The following RIC1 variants were observed in gnomAD, a reference collection of about 807,000 sequenced individuals.
RIC1 encodes the protein guanine nucleotide exchange factor subunit RIC1.
In RIC1, 88 loss-of-function variants were observed where a neutral mutation model predicts 169.0. That is an observed-to-expected ratio of 0.52 (90% CI 0.44 to 0.62). RIC1 has a LOEUF of 0.62. Ranked by LOEUF, RIC1 falls within the 20% of genes least tolerant of loss-of-function variation. The probability of loss-of-function intolerance (pLI) is 0.00; values close to 1 mark genes in which losing one functional copy is unlikely to be tolerated. For missense variants in RIC1, 1,877 were observed against 1,725.5 expected (o/e 1.09, Z -1.56); for synonymous variants, 790 against 601.5 (o/e 1.31, Z -4.59).
rs1050261130 is a variant in RIC1, at chr9:5,757,308, T to C, written c.1854-5T>C. 6.2e-7 allele frequency: 1 copy of C among 1,613,724 alleles called. No individual in the cohort carries two copies. The highest frequency in any genetic ancestry group is 1.3e-5 in the African/African-American group (1 of 74,918). On this transcript the variant is annotated splice_polypyrimidine_tract_variant and splice_region_variant and intron_variant, in intron 16 of 25. Coordinates refer to ENST00000414202, the MANE Select transcript of RIC1 (RefSeq NM_020829.4). ...GAGGTATGTGGGTTTCTTTTGTTTT[T>C]ACAGTCCAAATACTACTGCTGGTAT...
In RIC1 at chr9:5,732,485, A is replaced by T. The variant is rs1824427589; in HGVS notation, c.812+6A>T. The T allele has an allele frequency of 1.9e-6, 3 of 1,579,806 alleles. No individual in the cohort carries two copies. In the South Asian group the frequency reaches 3.5e-5, roughly 18 times the overall value. On this transcript the variant is annotated splice_donor_region_variant and intron_variant, in intron 7 of 25. Coordinates refer to ENST00000414202, the MANE Select transcript of RIC1 (RefSeq NM_020829.4). ...ATGGCATTTGGCTGTGTGAGGTATA[A>T]TTGATGTAGGCTTTTGCATTTTTAA...
chr9:5,662,169 C>T (rs748670554), intron 2 of RIC1, among the ~76,000 whole-genome samples: 6 of 152,180 alleles, frequency 3.9e-5, no homozygotes, highest in East Asian at 1.9e-4. Context: ...TCTTGCATTC[C>T]GGGGATGAAG....
chr9:5,636,696 A>G (rs758406991), intron 1 of RIC1, among the ~76,000 whole-genome samples: 1 of 152,166 alleles, frequency 6.6e-6, no homozygotes, highest in Non-Finnish European at 1.5e-5. Context: ...TTGATTTTAT[A>G]TCTTGCAACT....
intron 12 of RIC1, among the ~76,000 whole-genome samples, chr9:5,751,353 T>C (rs1329386070): frequency 6.6e-6 from 1 of 151,726 alleles, no homozygotes; most frequent in Non-Finnish European, 1.5e-5. Flanking sequence ...TAGTGATCTT[T>C]TTGGGGGTCT....
chr9:5,722,576 T>G (rs2130876100), intron 6 of RIC1, among the ~76,000 whole-genome samples: 1 of 152,154 alleles, frequency 6.6e-6, no homozygotes, highest in South Asian at 2.1e-4. Flanking sequence ...TTATTTACTT[T>G]TTTAAGTTCT....
chr9:5,709,056 T>A (rs1246550229), intron 3 of RIC1, among the ~76,000 whole-genome samples: 1 of 152,176 alleles, frequency 6.6e-6, no homozygotes, highest in African/African-American at 2.4e-5. Flanking sequence ...GTACACTATA[T>A]TAGTCAGCAT....
chr9:5,714,733 A>C (rs1823130805), intron 4 of RIC1, among the ~76,000 whole-genome samples: 1 of 152,200 alleles, frequency 6.6e-6, no homozygotes, highest in Non-Finnish European at 1.5e-5. Flanking sequence ...AAGGGAGATG[A>C]GGTATCTCCA....
In RIC1 at chr9:5,629,153, C is replaced by T. The variant is rs1228823375; in HGVS notation, c.-157C>T. ...GGGGTGCCTTCGTCGCGCAGCCTTGCGTCGGCCCGGCCCGGCCAGGCCAGC... is the reference window on the plus strand; with the variant it reads ...GGGGTGCCTTCGTCGCGCAGCCTTGTGTCGGCCCGGCCCGGCCAGGCCAGC... On this transcript the variant is annotated 5_prime_UTR_variant, in exon 1 of 26. Transcript: ENST00000414202. The T allele has an allele frequency of 1.6e-5, 10 of 619,748 alleles. No homozygotes were observed. Among genetic ancestry groups the T allele is most frequent in the South Asian group, 1.2e-4 (2 of 16,778 alleles). The allele number at this position is 619,748 out of a possible 1,614,324, so 38.4% of individuals were successfully genotyped here.
At chr9:5,723,025 G>C (rs1372535049) in intron 6 of RIC1, among the ~76,000 whole-genome samples, 1 of 152,166 alleles carries the variant, frequency 6.6e-6, no homozygotes, top group Admixed American at 6.5e-5. Context: ...ATACATGTGC[G>C]TGTGTCTTTA....
At chr9:5,704,909 A>G (rs1296690390) in intron 3 of RIC1, among the ~76,000 whole-genome samples, 1 of 152,174 alleles carries the variant, frequency 6.6e-6, no homozygotes, top group Non-Finnish European at 1.5e-5. Flanking sequence ...TTGTCTTAGT[A>G]CAGAGAATGT....
intron 2 of RIC1, among the ~76,000 whole-genome samples, chr9:5,663,909 T>C (rs1325392790): frequency 2.0e-5 from 3 of 152,254 alleles, no homozygotes; most frequent in Non-Finnish European, 4.4e-5. Context: ...CACTGATCTG[T>C]TTACTTCAGT....
At position 5,629,405 on chromosome 9, in the gene RIC1, T is replaced by C; in HGVS notation, c.96T>C (p.Ala32=). 3 of 1,533,544 alleles carry C rather than the reference T, an allele frequency of 2.0e-6. No individual in the cohort carries two copies. Among genetic ancestry groups the C allele is most frequent in the South Asian group, 2.4e-5 (2 of 83,692 alleles). The allele number at this position is 1,533,544 out of a possible 1,614,324, so 95.0% of individuals were successfully genotyped here. ...ACGTTCAGTCCGACCCGCAGAGGGCTTTCTTCGCCGTGCTGGCCGCGGCCC... is the reference window on the plus strand; with the variant it reads ...ACGTTCAGTCCGACCCGCAGAGGGCCTTCTTCGCCGTGCTGGCCGCGGCCC... ...PFHVQSDPQR[A]FFAVLAAARL... The change falls in exon 1 of 26, where the codon GCT becomes GCC. Residue 32 remains alanine (A), a synonymous_variant. Coordinates refer to ENST00000414202, the MANE Select transcript of RIC1 (RefSeq NM_020829.4).
At chr9:5,723,862 T>C (rs1157246269) in intron 6 of RIC1, among the ~76,000 whole-genome samples, 2 of 152,318 alleles carry the variant, frequency 1.3e-5, no homozygotes, top group South Asian at 2.1e-4. Flanking sequence ...AAAGATCAGA[T>C]GGTTGTAGAT....
chr9:5,773,732 C>T (rs1827390209), intron 25 of RIC1, among the ~76,000 whole-genome samples: 1 of 152,154 alleles, frequency 6.6e-6, no homozygotes. Context: ...TCAGCCTTTG[C>T]CCCTAATGCT....
intron 2 of RIC1, among the ~76,000 whole-genome samples, chr9:5,685,115 G>T (rs937944037): frequency 1.3e-5 from 2 of 151,234 alleles, no homozygotes; most frequent in African/African-American, 4.9e-5. Context: ...CACTGCTCAA[G>T]GAAATAAAAG....
chr9:5,671,018 A>G (rs970294242), intron 2 of RIC1, among the ~76,000 whole-genome samples: 4 of 152,158 alleles, frequency 2.6e-5, no homozygotes, highest in Admixed American at 2.6e-4. Context: ...CTGAGAAGGT[A>G]TCTGAAAAGG....
chr9:5,706,813 A>C lies in RIC1; in HGVS notation c.333-7083A>C, dbSNP rs576053069. 2.0e-5 allele frequency among the ~76,000 whole-genome samples: 3 copies of C among 152,158 alleles called. No individual in the cohort carries two copies. The East Asian group carries it at 5.8e-4, about 29-fold the overall frequency. ...AATAATATTCCCACTTTCATTTCAGACTTATAAAGTCTTCTTTTTCCTTAG... is the reference window on the plus strand; with the variant it reads ...AATAATATTCCCACTTTCATTTCAGCCTTATAAAGTCTTCTTTTTCCTTAG... On this transcript the variant is annotated intron_variant, in intron 3 of 25. Transcript: ENST00000414202.
At chr9:5,661,950 T>C (rs1047947857) in intron 2 of RIC1, among the ~76,000 whole-genome samples, 9 of 152,258 alleles carry the variant, frequency 5.9e-5, no homozygotes, top group African/African-American at 2.2e-4. Context: ...CCATTCATTA[T>C]GATATTGGCT....
At chr9:5,699,681 T>C (rs901146613) in intron 3 of RIC1, among the ~76,000 whole-genome samples, 1 of 152,184 alleles carries the variant, frequency 6.6e-6, no homozygotes, top group African/African-American at 2.4e-5. Flanking sequence ...TTTTTGTAAA[T>C]AAAATGTAAT....
Sources: gnomAD v4.1 joint callset for allele counts (sites outside exome capture counted in the v4.1 genomes callset) on GRCh38, gnomAD v4.1.1 for gene constraint, MANE v1.5 for transcripts, NCBI Gene and HGNC (gene_info 2026-07-23, HGNC 2026-07-21) for gene names.